CLYBL: variants seen among roughly 807,000 people sequenced by gnomAD.
The protein encoded by CLYBL is citramalyl-CoA lyase, mitochondrial.
In CLYBL, 31 loss-of-function variants were observed where a neutral mutation model predicts 38.9. The observed-to-expected ratio is 0.80, with a 90% CI of 0.60 to 1.08. CLYBL has a LOEUF of 1.08. Among genes scored for constraint, CLYBL ranks in the 50% least tolerant of loss-of-function variants. CLYBL has a pLI of 0.00. For missense variants in CLYBL, 434 were observed against 411.6 expected (o/e 1.05, Z -0.47); for synonymous variants, 171 against 158.6 (o/e 1.08, Z -0.59).
intron 1 of CLYBL, among the ~76,000 whole-genome samples, chr13:99,742,330 C>T (rs761082329): frequency 5.9e-5 from 9 of 152,154 alleles, no homozygotes; most frequent in Non-Finnish European, 8.8e-5. Flanking sequence ...AAGCAGGAAG[C>T]CTTCTTTGCT....
chr13:99,714,621 A>T (rs2048284656), intron 1 of CLYBL, among the ~76,000 whole-genome samples: 1 of 150,234 alleles, frequency 6.7e-6, no homozygotes. Context: ...CGTCTCAAAA[A>T]TAAATAAATA....
chr13:99,625,360 C>T lies in CLYBL; in HGVS notation c.62+18603C>T, dbSNP rs192183428. Among the ~76,000 whole-genome samples, 18 of 152,326 alleles carry T rather than the reference C, an allele frequency of 1.2e-4. No individual in the cohort carries two copies. In the East Asian group the frequency reaches 3.3e-3, roughly 28 times the overall value. ...AGCAGGGATTAGCAGCGTTTAGGCTCCGCAGACATTTAATGTGCTAATTGA... is the reference window on the plus strand; with the variant it reads ...AGCAGGGATTAGCAGCGTTTAGGCTTCGCAGACATTTAATGTGCTAATTGA... On this transcript the variant is annotated intron_variant, in intron 1 of 8. Transcript: ENST00000339105.
At chr13:99,785,514 A>G (rs1455995961) in intron 2 of CLYBL, among the ~76,000 whole-genome samples, 1 of 151,844 alleles carries the variant, frequency 6.6e-6, no homozygotes, top group Non-Finnish European at 1.5e-5. Flanking sequence ...ACCCCCAACC[A>G]TTATTGTTTC....
chr13:99,684,681 T>A (rs779939885), intron 1 of CLYBL, among the ~76,000 whole-genome samples: 3 of 152,202 alleles, frequency 2.0e-5, no homozygotes, highest in Non-Finnish European at 4.4e-5. Flanking sequence ...GCTTCATGTA[T>A]TTCTGCAAAA....
chr13:99,667,335 T>C (rs4772229), intron 1 of CLYBL, among the ~76,000 whole-genome samples: 61,472 of 151,888 alleles, frequency 0.4, 13,074 homozygotes, highest in Middle Eastern at 0.54. Flanking sequence ...ATAAATCTGC[T>C]GTAAGCTTGC....
chr13:99,835,755 T>C (rs1477720857), intron 2 of CLYBL, among the ~76,000 whole-genome samples: 1 of 152,140 alleles, frequency 6.6e-6, no homozygotes, highest in Non-Finnish European at 1.5e-5. Flanking sequence ...GCTGAGTGAA[T>C]GATGAAGGCC....
chr13:99,816,295 G>A (rs997876263), intron 2 of CLYBL, among the ~76,000 whole-genome samples: 2 of 152,244 alleles, frequency 1.3e-5, no homozygotes, highest in African/African-American at 4.8e-5. Context: ...CCTTGGGACA[G>A]ATATCTGTTT....
chr13:99,626,590 C>G (rs2046872594), intron 1 of CLYBL, among the ~76,000 whole-genome samples: 1 of 152,210 alleles, frequency 6.6e-6, no homozygotes, highest in Non-Finnish European at 1.5e-5. Context: ...CGTGGTGGAA[C>G]TCTGCAGCTT....
chr13:99,806,955 G>T (rs2050243484), intron 2 of CLYBL, among the ~76,000 whole-genome samples: 1 of 152,170 alleles, frequency 6.6e-6, no homozygotes, highest in East Asian at 1.9e-4. Flanking sequence ...CGTGTTATGT[G>T]GACGGATGAT....
chr13:99,638,032 C>T (rs369151899), intron 1 of CLYBL, among the ~76,000 whole-genome samples: 3 of 136,680 alleles, frequency 2.2e-5, no homozygotes, highest in East Asian at 2.5e-4. Context: ...GGCACAATCG[C>T]GGTTCACTGC....
intron 1 of CLYBL, among the ~76,000 whole-genome samples, chr13:99,607,573 A>G (rs969311729): frequency 5.9e-5 from 9 of 152,130 alleles, no homozygotes; most frequent in South Asian, 4.1e-4. Flanking sequence ...GTGCACATAC[A>G]TGGTCTCATT....
At chr13:99,770,119 C>T (rs1383880037) in intron 1 of CLYBL, among the ~76,000 whole-genome samples, 5 of 131,850 alleles carry the variant, frequency 3.8e-5, no homozygotes, top group Admixed American at 3.6e-4. Context: ...TCGCTCTTGT[C>T]GCCCAGGCAG....
rs1328378196 is a variant in CLYBL at position 99,832,313 on chromosome 13, GT to G, written c.250-26545del. 2.5e-3 allele frequency among the ~76,000 whole-genome samples: 386 copies of G among 152,292 alleles called. 1 individual carries two copies. The Middle Eastern group carries it at 0.037, about 15-fold the overall frequency. ...GCGAGACCACTGGGTCGTACCACTT[GT>G]TTCTCCCTCCACGTCCTCAAATGAT... On this transcript the variant is annotated intron_variant, in intron 2 of 8. Transcript: ENST00000339105.
At chr13:99,738,904 C>A (rs759928961) in intron 1 of CLYBL, among the ~76,000 whole-genome samples, 1 of 152,104 alleles carries the variant, frequency 6.6e-6, no homozygotes, top group East Asian at 1.9e-4. Flanking sequence ...CTGTGACTCT[C>A]GTGCTGTTAA....
chr13:99,772,764 T>C, intron 1 of CLYBL, 60 bp from the exon 2 acceptor site: 1 of 1,341,996 alleles, frequency 7.5e-7, no homozygotes, highest in South Asian at 1.4e-5. Context: ...ATATAGTTTT[T>C]CACAAGTTTA....
intron 1 of CLYBL, among the ~76,000 whole-genome samples, chr13:99,657,383 A>G (rs780142251): frequency 2.0e-5 from 3 of 152,242 alleles, no homozygotes; most frequent in Admixed American, 6.5e-5. Context: ...GGAAAATACA[A>G]TGGTTTTGCT....
chr13:99,649,603 C>T (rs539598673), intron 1 of CLYBL, among the ~76,000 whole-genome samples: 10 of 152,312 alleles, frequency 6.6e-5, no homozygotes, highest in African/African-American at 1.7e-4. Context: ...CTGTGGCTCA[C>T]GCCTGTAATC....
chr13:99,790,709 A>G (rs2049897066), intron 2 of CLYBL, among the ~76,000 whole-genome samples: 1 of 152,074 alleles, frequency 6.6e-6, no homozygotes, highest in Non-Finnish European at 1.5e-5. Flanking sequence ...TTTCTTGGAG[A>G]AGTCTCTCCC....
intron 1 of CLYBL, among the ~76,000 whole-genome samples, chr13:99,629,093 G>T (rs954706999): frequency 6.6e-6 from 1 of 152,220 alleles, no homozygotes; most frequent in African/African-American, 2.4e-5. Flanking sequence ...AGAGAGCCCT[G>T]GGGTTGGGGG....
Sources: allele counts gnomAD v4.1 joint callset (sites outside exome capture counted in the v4.1 genomes callset), GRCh38; gene constraint gnomAD v4.1.1; transcripts MANE v1.5; gene names NCBI Gene and HGNC (gene_info 2026-07-23, HGNC 2026-07-21).